Variants in KIAA1549 observed in about 807,000 individuals in gnomAD.
KIAA1549 encodes UPF0606 protein KIAA1549.
A neutral mutation model predicts 156.4 loss-of-function variants in KIAA1549; 70 were observed. That is an observed-to-expected ratio of 0.45 (90% CI 0.37 to 0.55). KIAA1549 has a LOEUF of 0.55. Ranked by LOEUF, KIAA1549 falls within the 20% of genes least tolerant of loss-of-function variation. KIAA1549 has a pLI of 0.00. For synonymous variants in KIAA1549, 1,103 were observed against 1,066.4 expected (o/e 1.03, Z -0.67); for missense variants, 2,428 against 2,540.9 (o/e 0.96, Z 0.96).
At chr7:138,923,289 C>G (rs1040706209) in intron 1 of KIAA1549, among the ~76,000 whole-genome samples, 1 of 152,218 alleles carries the variant, frequency 6.6e-6, no homozygotes, top group African/African-American at 2.4e-5. Flanking sequence ...GCAGGAAGAT[C>G]TGAGAATAGA....
chr7:138,928,507 A>T (rs1812785392), intron 1 of KIAA1549, among the ~76,000 whole-genome samples: 1 of 151,688 alleles, frequency 6.6e-6, no homozygotes, highest in African/African-American at 2.4e-5. Context: ...GGCTGGTCTC[A>T]AACTCCTGAC....
chr7:138,886,049 T>C (rs973723806), intron 10 of KIAA1549, among the ~76,000 whole-genome samples: 1 of 152,118 alleles, frequency 6.6e-6, no homozygotes, highest in South Asian at 2.1e-4. Context: ...AGAAGTCTCC[T>C]GTGTTGACTG....
chr7:138,902,887 T>C (rs549503227), intron 8 of KIAA1549, among the ~76,000 whole-genome samples: 6 of 152,234 alleles, frequency 3.9e-5, no homozygotes, highest in South Asian at 2.1e-4. Context: ...CAAAGGTTAA[T>C]AGAGAATTCA....
chr7:138,849,941 C>CT (rs994922479), intron 17 of KIAA1549, among the ~76,000 whole-genome samples: 23 of 151,488 alleles, frequency 1.5e-4, no homozygotes, highest in Non-Finnish European at 2.2e-4. Flanking sequence ...ATGCGTACCA[C>CT]TTTTTTTTTA....
intron 17 of KIAA1549, among the ~76,000 whole-genome samples, chr7:138,848,991 C>A (rs184102907): frequency 9.2e-5 from 14 of 152,296 alleles, no homozygotes; most frequent in African/African-American, 3.4e-4. Context: ...TCTCAGCCTC[C>A]AGAGTAGCTG....
At chr7:138,939,359 C>A (rs1212918586) in intron 1 of KIAA1549, among the ~76,000 whole-genome samples, 1 of 152,148 alleles carries the variant, frequency 6.6e-6, no homozygotes, top group Admixed American at 6.5e-5. Flanking sequence ...AAGGTACATA[C>A]AATGCTTTTG....
intron 1 of KIAA1549, among the ~76,000 whole-genome samples, chr7:138,957,485 T>C (rs1389365169): frequency 8.0e-6 from 1 of 125,204 alleles, no homozygotes; most frequent in Non-Finnish European, 1.6e-5. Context: ...CTTCTTCCTC[T>C]TCTTCTTTTT....
intron 1 of KIAA1549, among the ~76,000 whole-genome samples, chr7:138,943,289 G>T (rs1389221484): frequency 1.3e-5 from 2 of 152,202 alleles, no homozygotes; most frequent in African/African-American, 4.8e-5. Context: ...AGGCAGCACA[G>T]AGAGGTCTGG....
At position 138,975,883 on chromosome 7, in the gene KIAA1549, T is replaced by C. The variant is rs59690161; in HGVS notation, c.187+5200A>G. Among the ~76,000 whole-genome samples the C allele has an allele frequency of 4.4e-3, 675 of 152,324 alleles. 7 individuals are homozygous for C. Among genetic ancestry groups the C allele is most frequent in the African/African-American group, 0.016 (646 of 41,574 alleles). ...TGGCTCCCACGTCCCTAGTGACTTG[T>C]AACAACTCCCTGGCTGGGTTCTGTT... On this transcript the variant is annotated intron_variant, in intron 1 of 19. Transcript: ENST00000422774.
At chr7:138,937,691 T>C (rs1563085400) in intron 1 of KIAA1549, among the ~76,000 whole-genome samples, 1 of 151,930 alleles carries the variant, frequency 6.6e-6, no homozygotes, top group Non-Finnish European at 1.5e-5. Context: ...GATTCACAGA[T>C]GTGGAAATGG....
intron 10 of KIAA1549, among the ~76,000 whole-genome samples, chr7:138,886,873 TTTA>T (rs1811406745): frequency 6.6e-6 from 1 of 152,132 alleles, no homozygotes. Flanking sequence ...AATAAATGTA[TTTA>T]TTATGATTTA....
rs373307907 is a variant in KIAA1549, at chr7:138,879,574, C to T, written c.4309G>A (p.Val1437Ile). The T allele has an allele frequency of 2.7e-5, 42 of 1,567,944 alleles. No homozygotes were observed. The highest frequency in any genetic ancestry group is 1.7e-4 in the Middle Eastern group (1 of 5,994). ...GCTCTGTGGGACCTGCCATCGTTGA[C>T]GGCTCCCGGCGTCTTATCTCCTGCG... ...RDAGDKTPGA[V>I]NDGRSHRAPQ... The change falls in exon 12 of 20, where the codon GTC becomes ATC. Residue 1437 changes from valine to isoleucine, a missense_variant. Physicochemically the swap from Val to Ile is conservative, Grantham distance 29 (BLOSUM62 3). Transcript: ENST00000422774.
intron 1 of KIAA1549, among the ~76,000 whole-genome samples, chr7:138,950,950 G>A (rs1014264555): frequency 2.6e-5 from 4 of 151,738 alleles, no homozygotes; most frequent in South Asian, 4.2e-4. Context: ...CGACCACCTC[G>A]CCCTCACCTC....
At chr7:138,838,260 C>T in intron 19 of KIAA1549, 100 bp from the exon 20 acceptor site, 1 of 1,248,106 alleles carries the variant, frequency 8.0e-7, no homozygotes, top group East Asian at 2.6e-5. Context: ...TGCCCACGTC[C>T]ATCCACCAAC....
rs1813381027 is a variant in KIAA1549, at chr7:138,947,850, C to T, written c.188-28412G>A. 3.3e-5 allele frequency among the ~76,000 whole-genome samples: 5 copies of T among 152,156 alleles called. No homozygotes were observed. The South Asian group carries it at 1.0e-3, about 32-fold the overall frequency. The stretch of plus-strand genomic sequence containing the variant: ...CCATCTCGGCTCACTGCAAACTCTG[C>T]CTCCTGGGCTCAAGCAATCCTCCCA... On this transcript the variant is annotated intron_variant, in intron 1 of 19. Transcript: ENST00000422774.
intron 1 of KIAA1549, among the ~76,000 whole-genome samples, chr7:138,933,803 T>C (rs1812936258): frequency 6.6e-6 from 1 of 151,986 alleles, no homozygotes; most frequent in Non-Finnish European, 1.5e-5. Context: ...CCATCTTCAA[T>C]GAAAATACAA....
intron 10 of KIAA1549, among the ~76,000 whole-genome samples, chr7:138,889,859 A>T (rs909719803): frequency 1.2e-4 from 18 of 152,202 alleles, no homozygotes; most frequent in Non-Finnish European, 2.2e-4. Flanking sequence ...TCCCTTAGAT[A>T]ATTACCTTCT....
At chr7:138,867,278 G>T (rs542240974) in intron 15 of KIAA1549, among the ~76,000 whole-genome samples, 4 of 152,160 alleles carry the variant, frequency 2.6e-5, no homozygotes, top group African/African-American at 9.7e-5. Context: ...CTTGATCACA[G>T]GGTCATGCCC....
rs1374663212 is a variant in KIAA1549 at position 138,918,698 on chromosome 7, G to A, written c.928C>T (p.Pro310Ser). The part of the protein sequence containing the change: ...PLPSLGEVSQ[P>S]PEEVWATSAD... The stretch of plus-strand genomic sequence containing the variant: ...CTTGTGGCCCAAACCTCCTCTGGAG[G>A]CTGTGAGACCTCCCCCAAGGAGGGC... The change falls in exon 2 of 20, where the codon CCT (proline) becomes TCT (serine). Residue 310 changes from proline (P) to serine (S), a missense_variant. Coordinates refer to ENST00000422774, the MANE Select transcript of KIAA1549 (RefSeq NM_001164665.2). This position sits in a 1 kb window ranked among gnomAD's most constrained non-coding sequence, Gnocchi z 4.2. 8.7e-6 allele frequency: 14 copies of A among 1,613,778 alleles called. No homozygotes were observed. Among genetic ancestry groups the A allele is most frequent in the Non-Finnish European group, 1.2e-5 (14 of 1,179,886 alleles).
Sources: gnomAD v4.1 joint callset for allele counts (sites outside exome capture counted in the v4.1 genomes callset) on GRCh38, gnomAD v4.1.1 for gene constraint, Gnocchi (gnomAD v3.1) non-coding constraint, MANE v1.5 for transcripts, NCBI Gene and HGNC (gene_info 2026-07-23, HGNC 2026-07-21) for gene names.